WDPCP: variants seen among roughly 807,000 people sequenced by gnomAD.
WDPCP encodes the protein WD repeat-containing and planar cell polarity effector protein fritz homolog.
Under a neutral mutation model 93.1 loss-of-function variants are expected in WDPCP, and 71 were observed. That is an observed-to-expected ratio of 0.76 (90% confidence interval 0.63 to 0.93). WDPCP has a LOEUF of 0.93. Ranked by LOEUF, WDPCP falls within the 40% of genes least tolerant of loss-of-function variation. The pLI is 0.00. For missense variants in WDPCP, 844 were observed against 887.4 expected, an observed-to-expected ratio of 0.95 and a Z score of 0.62; for synonymous variants, 315 against 315.0, an observed-to-expected ratio of 1.00 and a Z score of 0.00.
intron 2 of WDPCP, among the ~76,000 whole-genome samples, chr2:63,775,893 C>T (rs1670294641): frequency 1.3e-5 from 2 of 152,044 alleles, no homozygotes; most frequent in African/African-American, 4.8e-5. Flanking sequence ...GATGCCCAGG[C>T]ATTAGTATTA....
chr2:63,372,822 T>G (rs897036091), intron 12 of WDPCP, among the ~76,000 whole-genome samples: 6 of 152,166 alleles, frequency 3.9e-5, no homozygotes, highest in Non-Finnish European at 7.3e-5. Flanking sequence ...AAAGACTATT[T>G]GTATTACATT....
intron 1 of WDPCP, among the ~76,000 whole-genome samples, chr2:63,502,348 A>G (rs1466650648): frequency 6.6e-6 from 1 of 152,228 alleles, no homozygotes; most frequent in East Asian, 1.9e-4. Flanking sequence ...TACAAATAAT[A>G]TAACCATGAA....
intron 9 of WDPCP, among the ~76,000 whole-genome samples, chr2:63,424,838 T>C (rs1464393245): frequency 1.3e-5 from 2 of 152,098 alleles, no homozygotes; most frequent in African/African-American, 2.4e-5. Flanking sequence ...AGGCCTAGAA[T>C]ACCTAACAAA....
At chr2:63,333,199 C>T (rs898643109) in intron 12 of WDPCP, among the ~76,000 whole-genome samples, 1 of 152,106 alleles carries the variant, frequency 6.6e-6, no homozygotes, top group South Asian at 2.1e-4. Flanking sequence ...GCCCTACAAA[C>T]CAAAAATTCT....
At chr2:63,229,889 A>G in intron 14 of WDPCP, 1 of 149,108 alleles carries the variant, frequency 6.7e-6, no homozygotes, top group Non-Finnish European at 1.4e-5. Context: ...CTCCAGAAAA[A>G]GGAAAAAAAA....
intron 12 of WDPCP, among the ~76,000 whole-genome samples, chr2:63,317,833 A>G (rs1334992431): frequency 6.6e-6 from 1 of 152,198 alleles, no homozygotes; most frequent in Non-Finnish European, 1.5e-5. Flanking sequence ...CCTAGGAAAT[A>G]TCATTATGGA....
chr2:63,240,330 A>G (rs1230425950), intron 14 of WDPCP, among the ~76,000 whole-genome samples: 1 of 152,006 alleles, frequency 6.6e-6, no homozygotes, highest in East Asian at 1.9e-4. Context: ...GGTGCGTGCC[A>G]CCACCCCGAG....
intron 3 of WDPCP, among the ~76,000 whole-genome samples, chr2:63,623,335 A>G (rs530782643): frequency 2.0e-5 from 3 of 152,234 alleles, no homozygotes; most frequent in Non-Finnish European, 4.4e-5. Flanking sequence ...ACAAAACAAT[A>G]TTAAACTCAA....
At chr2:63,706,318 G>A (rs1669151789) in intron 2 of WDPCP, among the ~76,000 whole-genome samples, 1 of 152,122 alleles carries the variant, frequency 6.6e-6, no homozygotes. Context: ...ATTGTTATGT[G>A]TGAATTTGAT....
intron 14 of WDPCP, among the ~76,000 whole-genome samples, chr2:63,197,706 A>C (rs909567182): frequency 6.6e-6 from 1 of 152,172 alleles, no homozygotes; most frequent in Non-Finnish European, 1.5e-5. Flanking sequence ...GCTCCCACTT[A>C]TAAGTGAGAA....
At chr2:63,809,070 C>T (rs558100993) in intron 2 of WDPCP, among the ~76,000 whole-genome samples, 6 of 151,378 alleles carry the variant, frequency 4.0e-5, no homozygotes, top group East Asian at 3.9e-4. Context: ...TCTGACCGGC[C>T]GCCCCGTCTG....
chr2:63,206,849 T>C (rs993693153), intron 14 of WDPCP, among the ~76,000 whole-genome samples: 3 of 152,220 alleles, frequency 2.0e-5, no homozygotes, highest in African/African-American at 7.2e-5. Context: ...AAAAAACCCA[T>C]AAAAATGGTT....
intron 3 of WDPCP, among the ~76,000 whole-genome samples, chr2:63,620,480 C>G (rs1709723069): frequency 6.6e-6 from 1 of 152,226 alleles, no homozygotes; most frequent in African/African-American, 2.4e-5. Context: ...TAGATTCCTC[C>G]CCTCTGGGCA....
At chr2:63,714,601 G>T (rs890251824) in intron 2 of WDPCP, among the ~76,000 whole-genome samples, 1 of 152,082 alleles carries the variant, frequency 6.6e-6, no homozygotes, top group Non-Finnish European at 1.5e-5. Flanking sequence ...AGGCCGAGGC[G>T]GGCGGATCAC....
intron 2 of WDPCP, among the ~76,000 whole-genome samples, chr2:63,805,776 A>ACAGAC (rs1670755458): frequency 6.6e-6 from 1 of 152,246 alleles, no homozygotes; most frequent in African/African-American, 2.4e-5. Context: ...AATTATTAAT[A>ACAGAC]CAGAACTTAG....
intron 3 of WDPCP, among the ~76,000 whole-genome samples, chr2:63,606,679 G>T (rs262473): frequency 0.8 from 121,957 of 151,842 alleles, 49,638 homozygotes; most frequent in East Asian, 0.98. Flanking sequence ...TTAGATTCAA[G>T]GGGTTTAAAA....
intron 2 of WDPCP, among the ~76,000 whole-genome samples, chr2:63,720,032 CT>C (rs1311870713): frequency 2.0e-5 from 3 of 152,066 alleles, no homozygotes; most frequent in Non-Finnish European, 4.4e-5. Context: ...CCTTTTTCTT[CT>C]TTTTGGTATT....
intron 13 of WDPCP, among the ~76,000 whole-genome samples, chr2:63,311,497 C>CTA (rs1686187621): frequency 1.3e-5 from 2 of 152,154 alleles, no homozygotes; most frequent in African/African-American, 4.8e-5. Flanking sequence ...CTTGGGCTAT[C>CTA]AATAAAGTTA....
intron 2 of WDPCP, among the ~76,000 whole-genome samples, chr2:63,770,859 G>A (rs1291470513): frequency 1.3e-5 from 2 of 151,764 alleles, no homozygotes; most frequent in African/African-American, 4.8e-5. Flanking sequence ...CATTAAAAGA[G>A]ATTTAAAATG....
Sources: gnomAD v4.1 joint callset for allele counts (sites outside exome capture counted in the v4.1 genomes callset) on GRCh38, gnomAD v4.1.1 for gene constraint, MANE v1.5 for transcripts, NCBI Gene and HGNC (gene_info 2026-07-23, HGNC 2026-07-21) for gene names.